GRAMD1C: variants seen among roughly 807,000 people sequenced by gnomAD.
GRAMD1C encodes the protein protein Aster-C.
In GRAMD1C, 89 loss-of-function variants were observed where a neutral mutation model predicts 97.8. The ratio of observed to expected loss-of-function variants is 0.91; its 90% CI spans 0.77 to 1.09. The LOEUF is 1.09. Ranked by LOEUF, GRAMD1C falls within the 50% of genes least tolerant of loss-of-function variation. GRAMD1C has a pLI of 0.00. For missense variants in GRAMD1C, 740 were observed against 766.4 expected, an observed-to-expected ratio of 0.97 and a Z score of 0.41; for synonymous variants, 256 against 267.0, an observed-to-expected ratio of 0.96 and a Z score of 0.40.
intron 6 of GRAMD1C, among the ~76,000 whole-genome samples, chr3:113,900,080 T>G (rs1360707105): frequency 2.0e-5 from 3 of 152,036 alleles, no homozygotes; most frequent in Non-Finnish European, 4.4e-5. Context: ...GATCAGAGGC[T>G]AGGCACCATG....
At chr3:113,935,503 C>T (rs6767582) in intron 13 of GRAMD1C, among the ~76,000 whole-genome samples, 5,064 of 143,056 alleles carry the variant, frequency 0.035, 286 homozygotes, top group African/African-American at 0.13. Context: ...TATATATATA[C>T]ACACACACAC....
chr3:113,927,659 G>A (rs1937273063), intron 10 of GRAMD1C, among the ~76,000 whole-genome samples: 1 of 152,184 alleles, frequency 6.6e-6, no homozygotes, highest in Non-Finnish European at 1.5e-5. Context: ...CACTGGGCTG[G>A]ACACTCTAGC....
At chr3:113,920,795 G>A (rs149300780) in intron 10 of GRAMD1C, among the ~76,000 whole-genome samples, 2 of 152,100 alleles carry the variant, frequency 1.3e-5, no homozygotes, top group African/African-American at 4.8e-5. Context: ...CACCTGCCTC[G>A]GCCTCCCAAG....
At chr3:113,851,247 C>G (rs1220465058) in intron 2 of GRAMD1C, among the ~76,000 whole-genome samples, 3 of 151,918 alleles carry the variant, frequency 2.0e-5, no homozygotes, top group Non-Finnish European at 4.4e-5. Flanking sequence ...ATTTGAAAAT[C>G]TTGAAAACTA....
At chr3:113,894,301 T>C (rs1935848854) in intron 6 of GRAMD1C, among the ~76,000 whole-genome samples, 1 of 151,812 alleles carries the variant, frequency 6.6e-6, no homozygotes, top group South Asian at 2.1e-4. Context: ...TTTTTTGAAA[T>C]GGAGTCTTGC....
chr3:113,834,939 CAA>C (rs58338279), upstream of GRAMD1C, among the ~76,000 whole-genome samples: 7,922 of 126,010 alleles, frequency 0.063, 210 homozygotes, highest in South Asian at 0.092. Flanking sequence ...AACTCCGTCT[CAA>C]AAAAAAAAAA....
Position 113,929,122 on chromosome 3 carries a change from GC to G in GRAMD1C, c.1091-1590del, listed in dbSNP as rs1343362151. Among the ~76,000 whole-genome samples, 7 of 152,222 alleles carry G rather than the reference GC, an allele frequency of 4.6e-5. No individual in the cohort carries two copies. The South Asian group carries it at 8.3e-4, about 18-fold the overall frequency. On this transcript the variant is annotated intron_variant, in intron 10 of 17. Transcript: ENST00000358160. ...AAGTTTCCAATTTATCCACATCCTTGCCAACACTGATTATTATTTATAATAG... is the reference window on the plus strand; with the variant it reads ...AAGTTTCCAATTTATCCACATCCTTGCAACACTGATTATTATTTATAATAG...
chr3:113,893,155 A>C (rs1428950295), intron 6 of GRAMD1C, among the ~76,000 whole-genome samples: 4 of 152,144 alleles, frequency 2.6e-5, no homozygotes, highest in South Asian at 4.1e-4. Context: ...AATATTTACT[A>C]TATGGCCCTT....
intron 10 of GRAMD1C, among the ~76,000 whole-genome samples, chr3:113,926,761 CAGGGG>C (rs1285682140): frequency 6.6e-6 from 1 of 152,150 alleles, no homozygotes; most frequent in Non-Finnish European, 1.5e-5. Context: ...TGGAAGATTT[CAGGGG>C]GCCCAGGCTC....
intron 14 of GRAMD1C, among the ~76,000 whole-genome samples, chr3:113,937,682 T>C (rs1937603222): frequency 6.6e-6 from 1 of 152,224 alleles, no homozygotes; most frequent in Non-Finnish European, 1.5e-5. Flanking sequence ...AAGTTCTTTT[T>C]CAGTTCTTTT....
chr3:113,879,020 A>C (rs772347630), intron 5 of GRAMD1C, among the ~76,000 whole-genome samples: 17 of 151,914 alleles, frequency 1.1e-4, no homozygotes, highest in Non-Finnish European at 2.1e-4. Flanking sequence ...GCCTGGCCAA[A>C]ATGGTGAAAC....
At chr3:113,943,054 T>C (rs1459909868) in intron 17 of GRAMD1C, among the ~76,000 whole-genome samples, 4 of 152,190 alleles carry the variant, frequency 2.6e-5, no homozygotes, top group Non-Finnish European at 5.9e-5. Flanking sequence ...CTAAAAAATC[T>C]CTTTATTAGT....
chr3:113,940,302 G>A lies in GRAMD1C; in HGVS notation c.1865G>A (p.Arg622His), dbSNP rs373868249. The change falls in exon 17 of 18, where the codon CGT becomes CAT. Residue 622 changes from arginine to histidine, a missense_variant. Transcript: ENST00000358160. ...TIQKNKDQAH[R>H]LKGVLRDSIV... ...CAGAAGAATAAAGATCAGGCCCATC[G>A]TTTAAAGGGAGTGCTCCGAGACTCC... 40 of 1,610,112 alleles carry A rather than the reference G, an allele frequency of 2.5e-5. No individual in the cohort carries two copies. In the Admixed American group the frequency reaches 2.7e-4, roughly 11 times the overall value.
chr3:113,904,812 G>A (rs1936304401), intron 8 of GRAMD1C, among the ~76,000 whole-genome samples: 1 of 152,034 alleles, frequency 6.6e-6, no homozygotes, highest in Non-Finnish European at 1.5e-5. Context: ...AAGTATCATT[G>A]TAAGCACATC....
At position 113,833,099 on chromosome 3, in the gene GRAMD1C, C is replaced by A. The variant is rs1488510146; in HGVS notation, n.98+4820C>A. On this transcript the variant is annotated intron_variant and non_coding_transcript_variant, in intron 1 of 18. Coordinates refer to the GRAMD1C transcript ENST00000479212. ...TATTTGCCTTCAAATTTTTTCTTTT[C>A]TTTTCTTTCTTTCTTTCTTTCTTTT... Among the ~76,000 whole-genome samples, 3 of 143,080 alleles carry A rather than the reference C, an allele frequency of 2.1e-5. No individual in the cohort carries two copies. The East Asian group carries it at 6.0e-4, about 29-fold the overall frequency. The allele number at this position is 143,080 out of a possible 152,430, so 93.9% of individuals were successfully genotyped here. A position where few individuals can be genotyped will look rare whatever the true frequency, so the allele number is the denominator to read the frequency against.
intron 6 of GRAMD1C, among the ~76,000 whole-genome samples, chr3:113,891,975 A>C (rs529017389): frequency 3.9e-4 from 59 of 152,018 alleles, no homozygotes; most frequent in African/African-American, 1.4e-3. Context: ...TGCTTCTTGC[A>C]TGAGAAGGCC....
intron 1 of GRAMD1C, among the ~76,000 whole-genome samples, chr3:113,839,853 A>G (rs1709732490): frequency 6.6e-6 from 1 of 152,204 alleles, no homozygotes; most frequent in East Asian, 1.9e-4. Context: ...TAAGGACCAC[A>G]CAGCTAATAA....
intron 8 of GRAMD1C, among the ~76,000 whole-genome samples, chr3:113,908,301 A>G (rs1160071450): frequency 1.3e-5 from 2 of 152,252 alleles, no homozygotes; most frequent in Admixed American, 6.5e-5. Context: ...TTTAATGCCT[A>G]ACATTAAATT....
intron 2 of GRAMD1C, among the ~76,000 whole-genome samples, chr3:113,856,705 A>G (rs1934144862): frequency 6.6e-6 from 1 of 151,694 alleles, no homozygotes; most frequent in South Asian, 2.1e-4. Context: ...ATGCCTGGCT[A>G]ATTTTTGTAT....
Sources: gnomAD v4.1 joint callset for allele counts (sites outside exome capture counted in the v4.1 genomes callset) on GRCh38, gnomAD v4.1.1 for gene constraint, MANE v1.5 for transcripts, NCBI Gene and HGNC (gene_info 2026-07-23, HGNC 2026-07-21) for gene names.